Variants in RTN4 observed in about 807,000 individuals in gnomAD.
The protein encoded by RTN4 is reticulon 4.
Under a neutral mutation model 90.4 loss-of-function variants are expected in RTN4, and 32 were observed. The ratio of observed to expected loss-of-function variants is 0.35; its 90% CI spans 0.27 to 0.48. The LOEUF (loss-of-function observed/expected upper bound fraction) is 0.48, where lower values mean the gene tolerates loss of function less well. Ranked by LOEUF, RTN4 falls within the 20% of genes least tolerant of loss-of-function variation. The pLI, the probability that RTN4 is intolerant of heterozygous loss-of-function variation, is 0.99. For synonymous variants in RTN4, 629 were observed against 552.5 expected (o/e 1.14, Z -1.94); for missense variants, 1,706 against 1,430.2 (o/e 1.19, Z -3.11).
At chr2:55,038,720 A>G (rs553208379) in intron 1 of RTN4, among the ~76,000 whole-genome samples, 5 of 152,374 alleles carry the variant, frequency 3.3e-5, no homozygotes, top group Non-Finnish European at 5.9e-5. Flanking sequence ...AGTTAAATAT[A>G]TAGTTACCCC....
At chr2:54,973,397 A>T in intron 8 of RTN4, 166 bp downstream of exon 8, 1 of 761,454 alleles carries the variant, frequency 1.3e-6, no homozygotes, top group Non-Finnish European at 2.1e-6. Context: ...ATAAACCCAG[A>T]AACGAATGGT....
intron 1 of RTN4, among the ~76,000 whole-genome samples, chr2:55,034,665 C>T (rs1682555324): frequency 6.6e-6 from 1 of 152,076 alleles, no homozygotes; most frequent in Non-Finnish European, 1.5e-5. Flanking sequence ...GAGATGTAAA[C>T]TTTGATCTTT....
At chr2:55,130,686 G>A in the RTN4 span, among the ~76,000 whole-genome samples, 1 of 152,162 alleles carries the variant, frequency 6.6e-6, no homozygotes, top group African/African-American at 2.4e-5. Context: ...AAGAGGTGGA[G>A]GTTGCAGTAA....
chr2:54,994,465 T>C (rs1405861215), intron 3 of RTN4, among the ~76,000 whole-genome samples: 1 of 152,138 alleles, frequency 6.6e-6, no homozygotes, highest in Non-Finnish European at 1.5e-5. Context: ...ATTAATAGGA[T>C]AAGGACAAAA....
chr2:55,095,323 CAAAA>C (rs1328611450), intron 1 of RTN4, among the ~76,000 whole-genome samples: 1 of 138,786 alleles, frequency 7.2e-6, no homozygotes, highest in East Asian at 2.1e-4. Flanking sequence ...GATCCTGTCT[CAAAA>C]AAAAAAACAC....
chr2:54,985,624 A>G (rs528797494), intron 4 of RTN4, among the ~76,000 whole-genome samples: 1 of 152,248 alleles, frequency 6.6e-6, no homozygotes, highest in African/African-American at 2.4e-5. Context: ...GAGCTATTCA[A>G]TAAATGTTGG....
intron 2 of RTN4, among the ~76,000 whole-genome samples, chr2:55,076,186 G>A (rs1668595619): frequency 1.3e-5 from 2 of 151,990 alleles, no homozygotes; most frequent in Non-Finnish European, 2.9e-5. Context: ...CTATACATCC[G>A]ACAAATGACT....
chr2:55,101,908 G>A (rs1231410886), intron 1 of RTN4, among the ~76,000 whole-genome samples: 8 of 152,020 alleles, frequency 5.3e-5, no homozygotes. Flanking sequence ...ACACACTGTA[G>A]GATATATGTT....
intron 3 of RTN4, among the ~76,000 whole-genome samples, chr2:55,014,031 A>C (rs952584589): frequency 3.3e-5 from 5 of 152,202 alleles, no homozygotes; most frequent in African/African-American, 1.2e-4. Flanking sequence ...GCTTATTTCA[A>C]AATTTAACTA....
chr2:55,042,497 T>C (rs566941473), intron 1 of RTN4, among the ~76,000 whole-genome samples: 33 of 152,288 alleles, frequency 2.2e-4, no homozygotes, highest in African/African-American at 7.9e-4. Flanking sequence ...TATAAATAAA[T>C]ATTTATCCAC....
chr2:55,129,839 G>C, the RTN4 span, among the ~76,000 whole-genome samples: 1 of 152,102 alleles, frequency 6.6e-6, no homozygotes, highest in African/African-American at 2.4e-5. Context: ...GCAATTACAG[G>C]CGTGAGCCAC....
intron 1 of RTN4, among the ~76,000 whole-genome samples, chr2:55,045,178 T>C (rs1163502693): frequency 6.6e-6 from 1 of 152,244 alleles, no homozygotes; most frequent in Non-Finnish European, 1.5e-5. Flanking sequence ...TCTGTATTTA[T>C]GAGCAATATT....
chr2:55,095,121 G>T lies in RTN4; in HGVS notation c.-213-14482C>A, dbSNP rs115458015. Among the ~76,000 whole-genome samples the T allele has an allele frequency of 6.2e-3, 950 of 152,156 alleles. 5 individuals carry two copies. The highest frequency in any genetic ancestry group is 0.011 in the Non-Finnish European group (750 of 67,994). ...GTGGATCACCTGACTTCAGGAGTTC[G>T]AGATCAGCCTGGCCAAAATGGTGAA... On this transcript the variant is annotated intron_variant, in intron 1 of 3. Transcript: ENST00000427710.
intron 5 of RTN4, among the ~76,000 whole-genome samples, chr2:54,977,978 C>T (rs1478694422): frequency 6.6e-6 from 1 of 152,172 alleles, no homozygotes; most frequent in South Asian, 2.1e-4. Flanking sequence ...GACTAATGAG[C>T]CCTGGAGTTT....
Position 54,991,983 on chromosome 2 carries a change from C to G in RTN4, c.3014-4285G>C, listed in dbSNP as rs559626452. 1.3e-4 allele frequency among the ~76,000 whole-genome samples: 20 copies of G among 152,314 alleles called. No individual in the cohort carries two copies. In the South Asian group the frequency reaches 4.1e-3, roughly 32 times the overall value. ...TGATCTACATTCTCCAATCTCCACA[C>G]CTCCTTTATGCCAAACACTGCAGTA... On this transcript the variant is annotated intron_variant, in intron 3 of 8. Coordinates refer to ENST00000337526, the MANE Select transcript of RTN4 (RefSeq NM_020532.5).
chr2:55,059,028 G>A (rs144527707), intron 2 of RTN4, among the ~76,000 whole-genome samples: 81 of 152,188 alleles, frequency 5.3e-4, no homozygotes, highest in Middle Eastern at 3.4e-3. Context: ...GCTTTCAGAA[G>A]GTAGTGTGAT....
At chr2:55,011,203 T>A (rs187254189) in intron 3 of RTN4, among the ~76,000 whole-genome samples, 6 of 152,028 alleles carry the variant, frequency 3.9e-5, no homozygotes, top group Non-Finnish European at 8.8e-5. Flanking sequence ...ATTTTTACAC[T>A]TTTTTTAGAG....
chr2:55,010,200 C>G, intron 3 of RTN4: 1 of 1,601,876 alleles, frequency 6.2e-7, no homozygotes, highest in Non-Finnish European at 8.5e-7. Flanking sequence ...CAAACCTACT[C>G]CCTGAGACAT....
chr2:55,003,098 T>G (rs775878496), intron 3 of RTN4, among the ~76,000 whole-genome samples: 14 of 152,096 alleles, frequency 9.2e-5, no homozygotes, highest in Non-Finnish European at 1.9e-4. Flanking sequence ...CTCTAGAAAC[T>G]TGAAGCTTAA....
Sources: allele counts gnomAD v4.1 joint callset (sites outside exome capture counted in the v4.1 genomes callset), GRCh38; gene constraint gnomAD v4.1.1; transcripts MANE v1.5; gene names NCBI Gene and HGNC (gene_info 2026-07-23, HGNC 2026-07-21).